Variants in TEF observed in about 807,000 individuals in gnomAD.
TEF encodes TEF transcription factor, PAR bZIP family member.
Under a neutral mutation model 20.8 loss-of-function variants are expected in TEF, and 3 were observed. The observed-to-expected ratio is 0.14, with a 90% CI of 0.07 to 0.37. TEF has a LOEUF of 0.37. TEF is among the 10% of genes least tolerant of loss of function. The pLI is 1.00. For missense variants in TEF, 296 were observed against 397.9 expected, an observed-to-expected ratio of 0.74 and a Z score of 2.18; for synonymous variants, 180 against 171.1, an observed-to-expected ratio of 1.05 and a Z score of -0.41.
Position 41,387,390 on chromosome 22 carries a change from C to T in TEF, c.197C>T (p.Ala66Val). ...KGKEKLEEDE[A>V]AAASTMAVSA... ...AAGGAAAAGCTGGAGGAGGACGAGG[C>T]CGCAGCCGCCAGCACCATGGCTGTC... The change falls in exon 2 of 4, where the codon GCC becomes GTC. Residue 66 changes from alanine (A) to valine (V), a missense_variant. By Grantham distance (64) the Ala-to-Val change is moderately conservative. Coordinates refer to ENST00000266304, the MANE Select transcript of TEF (RefSeq NM_003216.4). 6.2e-7 allele frequency: 1 copy of T among 1,614,218 alleles called. No homozygotes were observed. Among genetic ancestry groups the T allele is most frequent in the Non-Finnish European group, 8.5e-7 (1 of 1,180,046 alleles).
At chr22:41,381,119 A>G (rs990659797), upstream of TEF, among the ~76,000 whole-genome samples, 2 of 152,154 alleles carry the variant, frequency 1.3e-5, no homozygotes, top group African/African-American at 2.4e-5. Flanking sequence ...GGGCAACCCG[A>G]CACCCCGCTC....
intron 3 of TEF, among the ~76,000 whole-genome samples, chr22:41,395,130 C>A (rs1181248196): frequency 6.6e-6 from 1 of 152,136 alleles, no homozygotes; most frequent in Non-Finnish European, 1.5e-5. Flanking sequence ...CCTCACCCTC[C>A]TGAGTAGCTG....
At chr22:41,379,249 A>G (rs904420583), upstream of TEF, among the ~76,000 whole-genome samples, 1 of 152,146 alleles carries the variant, frequency 6.6e-6, no homozygotes, top group Non-Finnish European at 1.5e-5. Flanking sequence ...GAGGCAGGAG[A>G]ATGGCGGGAA....
In TEF at chr22:41,397,419, G is replaced by A. The variant is rs1006467485; in HGVS notation, c.*1459G>A. 14 of 267,158 alleles carry A rather than the reference G, an allele frequency of 5.2e-5. No homozygotes were observed. The highest frequency in any genetic ancestry group is 8.4e-5 in the Non-Finnish European group (12 of 142,908). The allele number at this position is 267,158 out of a possible 1,614,324, so 16.5% of individuals were successfully genotyped here. A position where few individuals can be genotyped will look rare whatever the true frequency, so the allele number is the denominator to read the frequency against. On this transcript the variant is annotated 3_prime_UTR_variant, in exon 4 of 4. Coordinates refer to ENST00000266304, the MANE Select transcript of TEF (RefSeq NM_003216.4). ...ATGGGTGTGTTTATTTGCTCAGGGC[G>A]GGCAGCCTATGGTGAAGAGGAGACA... is the stretch of plus-strand genomic sequence containing the variant.
chr22:41,373,339 T>C (rs892139934), intron 1 of TEF, among the ~76,000 whole-genome samples: 8 of 152,228 alleles, frequency 5.3e-5, no homozygotes, highest in Admixed American at 3.3e-4. Context: ...CGCCATGCAG[T>C]AGAAAATCTG....
intron 1 of TEF, among the ~76,000 whole-genome samples, chr22:41,384,889 G>T (rs1445034449): frequency 1.3e-5 from 2 of 152,114 alleles, no homozygotes; most frequent in African/African-American, 4.8e-5. Flanking sequence ...AAGTAGCTGG[G>T]ATTACAGGCA....
chr22:41,375,468 C>T (rs951924487), intron 1 of TEF, among the ~76,000 whole-genome samples: 4 of 152,070 alleles, frequency 2.6e-5, no homozygotes, highest in Non-Finnish European at 2.9e-5. Flanking sequence ...GCTCCAAATG[C>T]GGCCGGGCGT....
intron 1 of TEF, among the ~76,000 whole-genome samples, chr22:41,372,524 C>T (rs2036894140): frequency 6.6e-6 from 1 of 152,178 alleles, no homozygotes; most frequent in Admixed American, 6.5e-5. Flanking sequence ...AGAGGAAAGG[C>T]CACACAGTTG....
exon 1 of TEF, chr22:41,367,598 A>G (rs200504770): frequency 1.2e-4 from 193 of 1,551,124 alleles, no homozygotes; most frequent in Non-Finnish European, 1.6e-4. Context: ...AGAAGAGAAC[A>G]GGTAGGAGCA....
At chr22:41,374,807 T>C (rs959215737) in intron 1 of TEF, among the ~76,000 whole-genome samples, 1 of 151,456 alleles carries the variant, frequency 6.6e-6, no homozygotes, top group Admixed American at 6.6e-5. Flanking sequence ...CCATATTGAG[T>C]AGGCTGAGGA....
At chr22:41,379,659 G>C (rs926899122), upstream of TEF, among the ~76,000 whole-genome samples, 12 of 152,330 alleles carry the variant, frequency 7.9e-5, no homozygotes, top group African/African-American at 2.9e-4. Context: ...GAGGTCAGGA[G>C]TTCGAGACCA....
rs139152510 is a variant in TEF at position 41,372,651 on chromosome 22, C to T, written c.67+5052C>T. On this transcript the variant is annotated intron_variant, in intron 1 of 3. Transcript: ENST00000406644. Reference sequence around the variant, plus strand: ...CTCTTCGTCACCCAGCCACTCATCACGTGCTTCCAGAGCGTTTGCTATGCT... The same window carrying T: ...CTCTTCGTCACCCAGCCACTCATCATGTGCTTCCAGAGCGTTTGCTATGCT... 3.1e-3 allele frequency among the ~76,000 whole-genome samples: 477 copies of T among 152,282 alleles called. 1 individual carries two copies. Among genetic ancestry groups the T allele is most frequent in the Non-Finnish European group, 5.6e-3 (383 of 68,024 alleles).
chr22:41,378,156 CTT>C, upstream of TEF, among the ~76,000 whole-genome samples: 1 of 98,278 alleles, frequency 1.0e-5, no homozygotes, highest in Non-Finnish European at 2.4e-5. Context: ...AAAAAGCTTC[CTT>C]AGCTTCCTTT....
Position 41,397,944 on chromosome 22 carries a change from ATC to A in TEF, c.*1988_*1989del, listed in dbSNP as rs1001804254. ...TTATTTTTTTAAGGATGGACACTAA[ATC>A]TCTGGTGTCCATGTTCCGAGCCCGG... is the stretch of plus-strand genomic sequence containing the variant. On this transcript the variant is annotated 3_prime_UTR_variant, in exon 4 of 4. Coordinates refer to ENST00000266304, the MANE Select transcript of TEF (RefSeq NM_003216.4). 6.6e-6 allele frequency: 1 copy of A among 152,162 alleles called. No homozygotes were observed. Among genetic ancestry groups the A allele is most frequent in the Non-Finnish European group, 1.5e-5 (1 of 68,038 alleles). 9.4% of individuals were successfully genotyped at this position (152,162 alleles called of 1,614,324 possible). A position where few individuals can be genotyped will look rare whatever the true frequency, so the allele number is the denominator to read the frequency against.
chr22:41,368,278 TTC>T (rs1192360508), intron 1 of TEF, among the ~76,000 whole-genome samples: 2 of 152,136 alleles, frequency 1.3e-5, no homozygotes, highest in Admixed American at 6.5e-5. Flanking sequence ...TCCAAATCTC[TTC>T]TGTTCCCAGA....
At chr22:41,383,062 G>C (rs564653641) in intron 1 of TEF, 18 of 470,602 alleles carry the variant, frequency 3.8e-5, no homozygotes, top group South Asian at 2.5e-4. Context: ...TGGGGTTGTG[G>C]GTGCACTGAG....
Position 41,396,206 on chromosome 22 carries a change from C to A in TEF, c.*246C>A, listed in dbSNP as rs1372342156. The A allele has an allele frequency of 6.2e-6, 3 of 481,484 alleles. No homozygotes were observed. Among genetic ancestry groups the A allele is most frequent in the Non-Finnish European group, 1.1e-5 (3 of 265,438 alleles). 29.8% of individuals were successfully genotyped at this position (481,484 alleles called of 1,614,324 possible). ...AATCTGCGTAGATGGGTGACTCAGC[C>A]TTAGTTTCTATTCTTGGATGTCCCA... is the stretch of plus-strand genomic sequence containing the variant. On this transcript the variant is annotated 3_prime_UTR_variant, in exon 4 of 4. Transcript: ENST00000266304.
chr22:41,372,632 G>A (rs994026562), intron 1 of TEF, among the ~76,000 whole-genome samples: 8 of 152,114 alleles, frequency 5.3e-5, no homozygotes, highest in South Asian at 2.1e-4. Flanking sequence ...GTAGCTCTTC[G>A]TCACCCAGCC....
upstream of TEF, among the ~76,000 whole-genome samples, chr22:41,377,825 C>T (rs1043792374): frequency 6.6e-6 from 1 of 152,220 alleles, no homozygotes; most frequent in African/African-American, 2.4e-5. Flanking sequence ...GTTCTGGAGG[C>T]TTAACCCGCT....
Sources: allele counts gnomAD v4.1 joint callset (sites outside exome capture counted in the v4.1 genomes callset), GRCh38; gene constraint gnomAD v4.1.1; transcripts MANE v1.5; gene names NCBI Gene and HGNC (gene_info 2026-07-23, HGNC 2026-07-21).